IDI1: variants seen among roughly 807,000 people sequenced by gnomAD.
The protein encoded by IDI1 is isopentenyl-diphosphate delta isomerase 1, also known as isopentenyl-diphosphate Delta-isomerase 1.
IDI1 carries 23 observed loss-of-function variants against 32.9 expected under a neutral mutation model. That is an observed-to-expected ratio of 0.70 (90% CI 0.50 to 0.99). The LOEUF is 0.99. Among genes scored for constraint, IDI1 ranks in the 50% least tolerant of loss-of-function variants. The pLI, the probability that IDI1 is intolerant of heterozygous loss-of-function variation, is 0.00. For missense variants in IDI1, 326 were observed against 351.9 expected (o/e 0.93, Z 0.59); for synonymous variants, 133 against 128.2 (o/e 1.04, Z -0.25).
chr10:1,041,149 A>T lies in IDI1; in HGVS notation c.*38T>A. ...AGGAAAAAGTCATTCTAAGTTTGTTAAGCAGATAAATTTTTCTGTAATCAT... is the reference window on the plus strand; with the variant it reads ...AGGAAAAAGTCATTCTAAGTTTGTTTAGCAGATAAATTTTTCTGTAATCAT... On this transcript the variant is annotated 3_prime_UTR_variant, in exon 5 of 5. Coordinates refer to ENST00000381344, the MANE Select transcript of IDI1 (RefSeq NM_004508.4). 1 of 1,155,916 alleles carries T rather than the reference A, an allele frequency of 8.7e-7. No homozygotes were observed. Among genetic ancestry groups the T allele is most frequent in the Non-Finnish European group, 1.2e-6 (1 of 805,232 alleles). The allele number at this position is 1,155,916 out of a possible 1,614,324, so 71.6% of individuals were successfully genotyped here.
In IDI1 at chr10:1,042,857, A is replaced by AT. The variant is rs952390186; in HGVS notation, c.407-96dup. 36 of 1,102,822 alleles carry AT rather than the reference A, an allele frequency of 3.3e-5. No individual in the cohort carries two copies. The East Asian group carries it at 8.7e-4, about 27-fold the overall frequency. The allele number at this position is 1,102,822 out of a possible 1,614,324, so 68.3% of individuals were successfully genotyped here. On this transcript the variant is annotated intron_variant, in intron 3 of 4. Coordinates refer to ENST00000381344, the MANE Select transcript of IDI1 (RefSeq NM_004508.4). ...TTATAAGTAACTGAAAAATGAAATG[A>AT]TTTTTAAGGATTTTAAAATCAGTTA...
In IDI1 at chr10:1,048,584, T is replaced by C. The variant is rs1175637809; in HGVS notation, c.140+280A>G. ...CGAGTTCCTAAACCTCAGGTGACTG[T>C]GCGCAGACGACGATCTTTTCCGCTG... On this transcript the variant is annotated intron_variant, in intron 1 of 4. Transcript: ENST00000381344. 3.7e-6 allele frequency: 5 copies of C among 1,365,428 alleles called. No homozygotes were observed. The East Asian group carries it at 1.5e-4, about 42-fold the overall frequency. 84.6% of individuals were successfully genotyped at this position (1,365,428 alleles called of 1,614,324 possible).
chr10:1,046,542 C>CCCAGCTGCTCCACTGTCTACACCACACA (rs1335242635), intron 1 of IDI1, among the ~76,000 whole-genome samples: 79 of 38,632 alleles, frequency 2.0e-3, no homozygotes, highest in South Asian at 3.3e-3. Flanking sequence ...TACACCACAC[C>CCCAGCTGCTCCACTGTCTACACCACACA]GCCCAGCTGC....
At chr10:1,050,574 G>A (rs1182512898), upstream of IDI1, among the ~76,000 whole-genome samples, 4 of 152,174 alleles carry the variant, frequency 2.6e-5, no homozygotes, top group Non-Finnish European at 5.9e-5. Context: ...TAAGAAAGAT[G>A]AATAAAAAGA....
the IDI1 span, among the ~76,000 whole-genome samples, chr10:1,056,041 T>A: frequency 2.0e-5 from 3 of 152,094 alleles, no homozygotes; most frequent in South Asian, 6.2e-4. Flanking sequence ...CCTCCTAATC[T>A]CGTGATACGT....
the IDI1 span, among the ~76,000 whole-genome samples, chr10:1,054,346 TCAAA>T: frequency 2.0e-5 from 3 of 152,204 alleles, no homozygotes; most frequent in Admixed American, 1.3e-4. Context: ...AAGCGACATG[TCAAA>T]CAGCTTATAA....
the IDI1 span, chr10:1,056,571 A>G: frequency 1.2e-4 from 19 of 152,124 alleles, no homozygotes; most frequent in African/African-American, 4.6e-4. Flanking sequence ...GCCGGTGAGT[A>G]GCTACGACCC....
intron 1 of IDI1, chr10:1,048,374 G>C (rs1832865545): frequency 7.7e-7 from 1 of 1,305,220 alleles, no homozygotes; most frequent in South Asian, 1.2e-5. Flanking sequence ...AGCGCCTTGA[G>C]TGTGTTGCTG....
chr10:1,039,588 TGAA>T lies in IDI1; in HGVS notation c.*1596_*1598del, dbSNP rs1256797906. ...GAGGGATACTCCTCTTTATAAAAGATGAAGGAGTTCTAAGGAGTTTATCAGGTC... is the reference window on the plus strand; with the variant it reads ...GAGGGATACTCCTCTTTATAAAAGATGGAGTTCTAAGGAGTTTATCAGGTC... On this transcript the variant is annotated 3_prime_UTR_variant, in exon 5 of 5. Transcript: ENST00000381344. 4.6e-5 allele frequency: 7 copies of T among 152,200 alleles called. No individual in the cohort carries two copies. The highest frequency in any genetic ancestry group is 2.6e-4 in the Admixed American group (4 of 15,276). 9.4% of individuals were successfully genotyped at this position (152,200 alleles called of 1,614,324 possible). A position where few individuals can be genotyped will look rare whatever the true frequency, so the allele number is the denominator to read the frequency against.
In IDI1 at chr10:1,048,883, A is replaced by G. The variant is rs1397349888; in HGVS notation, c.121T>C (p.Cys41Arg). The G allele has an allele frequency of 6.2e-7, 1 of 1,604,900 alleles. No homozygotes were observed. The highest frequency in any genetic ancestry group is 1.7e-5 in the Admixed American group (1 of 59,828). ...CAGTACCTGATCAGCCTCCGGCCAC[A>G]GACAACCGCCGGTCCCGGATGGCGC... ...SGRHPGPAVV[C>R]GRRLISVLEQ... The change falls in exon 1 of 5, where the codon TGT becomes CGT. Residue 41 changes from cysteine to arginine, a missense_variant. Transcript: ENST00000381344.
intron 1 of IDI1, among the ~76,000 whole-genome samples, chr10:1,044,912 T>C (rs905624853): frequency 5.3e-5 from 8 of 152,268 alleles, no homozygotes; most frequent in Non-Finnish European, 8.8e-5. Flanking sequence ...ACTCTGCCTC[T>C]GTAACACTAA....
chr10:1,041,244 C>G lies in IDI1; in HGVS notation c.798G>C (p.Trp266Cys). Residue 266 changes from tryptophan to cysteine, a missense_variant, in exon 5 of 5, where the codon TGG (tryptophan) becomes TGC (cysteine). Coordinates refer to ENST00000381344, the MANE Select transcript of IDI1 (RefSeq NM_004508.4). ...ACTGATTCAAATGATTTAAGTTATCCCACCATTTAAAGAGAAAAGTCGCTG... is the reference window on the plus strand; with the variant it reads ...ACTGATTCAAATGATTTAAGTTATCGCACCATTTAAAGAGAAAAGTCGCTG... The part of the protein sequence containing the change: ...IIAATFLFKW[W>C]DNLNHLNQFV... 1 of 1,612,040 alleles carries G rather than the reference C, an allele frequency of 6.2e-7. No homozygotes were observed.
At chr10:1,048,372 G>C (rs751529392) in intron 1 of IDI1, 217 of 1,305,174 alleles carry the variant, frequency 1.7e-4, no homozygotes, top group Non-Finnish European at 2.1e-4. Context: ...GAAGCGCCTT[G>C]AGTGTGTTGC....
chr10:1,049,202 G>C (rs1832910942), upstream of IDI1: 1 of 901,648 alleles, frequency 1.1e-6, no homozygotes, highest in Non-Finnish European at 1.6e-6. Context: ...CCCGCGACTG[G>C]GCGGTGCCCG....
intron 1 of IDI1, chr10:1,048,546 GT>G (rs767255095): frequency 7.6e-6 from 10 of 1,312,084 alleles, no homozygotes; most frequent in Non-Finnish European, 8.8e-6. Context: ...CTGCGACTCG[GT>G]TTCCAGTTCC....
At chr10:1,049,162 G>A (rs1832908352), upstream of IDI1, 16 of 1,200,266 alleles carry the variant, frequency 1.3e-5, no homozygotes, top group South Asian at 1.7e-5. Flanking sequence ...GGGTCAACAC[G>A]CCCCACCCCC....
intron 4 of IDI1, among the ~76,000 whole-genome samples, chr10:1,042,266 T>C (rs1033360120): frequency 2.6e-5 from 4 of 152,298 alleles, no homozygotes; most frequent in Admixed American, 6.5e-5. Context: ...AGAGTTTCCA[T>C]CAGAAAATCT....
At chr10:1,053,104 T>A (rs1057345654), upstream of IDI1, among the ~76,000 whole-genome samples, 1 of 152,142 alleles carries the variant, frequency 6.6e-6, no homozygotes, top group Non-Finnish European at 1.5e-5. Context: ...TGGGTTCAAG[T>A]GATCCTCCTG....
In IDI1 at chr10:1,049,061, T is replaced by A. The variant is rs921520416; in HGVS notation, c.-58A>T. ...CGACACAATCTCGCCAAGCTTCGCCTGGTGGTGCCACCTCCCTGGCCTGTG... is the reference window on the plus strand; with the variant it reads ...CGACACAATCTCGCCAAGCTTCGCCAGGTGGTGCCACCTCCCTGGCCTGTG... On this transcript the variant is annotated 5_prime_UTR_variant, in exon 1 of 5. Coordinates refer to ENST00000381344, the MANE Select transcript of IDI1 (RefSeq NM_004508.4). The A allele has an allele frequency of 1.4e-6, 2 of 1,444,382 alleles. No homozygotes were observed. Among genetic ancestry groups the A allele is most frequent in the Admixed American group, 2.7e-5 (1 of 37,134 alleles). 89.5% of individuals were successfully genotyped at this position (1,444,382 alleles called of 1,614,324 possible).
Sources: gnomAD v4.1 joint callset for allele counts (sites outside exome capture counted in the v4.1 genomes callset) on GRCh38, gnomAD v4.1.1 for gene constraint, MANE v1.5 for transcripts, NCBI Gene and HGNC (gene_info 2026-07-23, HGNC 2026-07-21) for gene names.